The following POLR1A variants were observed in gnomAD, a reference collection of about 807,000 sequenced individuals.
POLR1A encodes RNA polymerase I subunit A.
A neutral mutation model predicts 205.3 loss-of-function variants in POLR1A; 84 were observed. The ratio of observed to expected loss-of-function variants is 0.41; its 90% CI spans 0.34 to 0.49. POLR1A has a LOEUF of 0.49. Ranked by LOEUF, POLR1A falls within the 20% of genes least tolerant of loss-of-function variation. POLR1A has a pLI of 0.22. For missense variants in POLR1A, 1,645 were observed against 2,204.5 expected (o/e 0.75, Z 5.08); for synonymous variants, 799 against 863.7 (o/e 0.93, Z 1.31).
intron 28 of POLR1A, among the ~76,000 whole-genome samples, 171 bp downstream of exon 28, chr2:86,033,468 CGCTTGCCTGGCCCATCAGGCCA>C (rs1192476818): frequency 6.6e-6 from 1 of 152,244 alleles, no homozygotes; most frequent in African/African-American, 2.4e-5. Context: ...CTGGCAGCCT[CGCTTGCCTGGCCCATCAGGCCA>C]AGAAGTGAAT....
At chr2:86,056,400 CGA>C (rs1558771333) in intron 14 of POLR1A, among the ~76,000 whole-genome samples, 1 of 150,732 alleles carries the variant, frequency 6.6e-6, no homozygotes, top group Non-Finnish European at 1.5e-5. Flanking sequence ...TGCAGTGAGC[CGA>C]GATTGCGCCA....
intron 30 of POLR1A, 40 bp downstream of exon 30, chr2:86,031,290 G>T: frequency 6.6e-7 from 1 of 1,513,108 alleles, no homozygotes; most frequent in South Asian, 1.3e-5. Flanking sequence ...TGGCCAGCTG[G>T]ACCAACCACC....
intron 14 of POLR1A, among the ~76,000 whole-genome samples, chr2:86,063,859 T>A (rs539239615): frequency 1.3e-5 from 2 of 152,356 alleles, no homozygotes; most frequent in South Asian, 4.1e-4. Context: ...CCCCTTAAGT[T>A]CTGCTTCAGT....
chr2:86,102,110 A>G (rs1294302198), intron 1 of POLR1A, among the ~76,000 whole-genome samples: 1 of 152,240 alleles, frequency 6.6e-6, no homozygotes. Flanking sequence ...GTATACAAAT[A>G]TCTCTTTGAG....
rs188550546 is a variant in POLR1A, at chr2:86,040,033, G to A, written c.3740+359C>T. On this transcript the variant is annotated intron_variant, in intron 25 of 33. Coordinates refer to ENST00000263857, the MANE Select transcript of POLR1A (RefSeq NM_015425.6). Reference sequence around the variant, plus strand: ...AGGGCCCAGGGCCACGTGGGGGCACGTTCTATGTGAATGGCTCCCCTGGAG... The same window carrying A: ...AGGGCCCAGGGCCACGTGGGGGCACATTCTATGTGAATGGCTCCCCTGGAG... The A allele has an allele frequency of 5.5e-5, 12 of 217,070 alleles. No individual in the cohort carries two copies. In the East Asian group the frequency reaches 1.3e-3, roughly 23 times the overall value. The allele number at this position is 217,070 out of a possible 1,614,324, so 13.4% of individuals were successfully genotyped here. A position where few individuals can be genotyped will look rare whatever the true frequency, so the allele number is the denominator to read the frequency against.
intron 4 of POLR1A, 120 bp downstream of exon 4, chr2:86,089,702 A>G: frequency 1.5e-6 from 1 of 673,222 alleles, no homozygotes. Flanking sequence ...CAAGAGACAG[A>G]GCTCAGATGC....
Position 86,054,289 on chromosome 2 carries a change from C to T in POLR1A, c.2059G>A (p.Val687Ile). The T allele has an allele frequency of 6.2e-7, 1 of 1,613,158 alleles. No homozygotes were observed. The highest frequency in any genetic ancestry group is 1.1e-5 in the South Asian group (1 of 90,920). The change falls in exon 15 of 34, where the codon GTT becomes ATT. Residue 687 changes from valine to isoleucine, a missense_variant and splice_region_variant. This residue lies in a region of POLR1A where 339 missense variants were observed against 415.1 expected (regional missense o/e 0.82). Coordinates refer to ENST00000263857, the MANE Select transcript of POLR1A (RefSeq NM_015425.6). ...ATATTTATGAGCAGCGTTGACACAA[C>T]CTGCAAAGAAAAAGAGGACAAACTG... ...KPFPLWTGKQ[V>I]VSTLLINIIP...
At chr2:86,057,914 T>G (rs76081054) in intron 14 of POLR1A, among the ~76,000 whole-genome samples, 8,908 of 152,124 alleles carry the variant, frequency 0.059, 492 homozygotes, top group East Asian at 0.32. Context: ...ACTAAAAACC[T>G]ACTTATACAC....
rs1465042280 is a variant in POLR1A, at chr2:86,023,399, A to C, written c.*4024T>G. On this transcript the variant is annotated 3_prime_UTR_variant, in exon 34 of 34. Transcript: ENST00000263857. ...TTTCAAGAGCAGTCTGGACTCTGAC[A>C]GCCCCTGATTCAGGTGCAAACTAAA... 6.6e-6 allele frequency: 1 copy of C among 152,224 alleles called. No homozygotes were observed. Among genetic ancestry groups the C allele is most frequent in the African/African-American group, 2.4e-5 (1 of 41,456 alleles). The allele number at this position is 152,224 out of a possible 1,614,324, so 9.4% of individuals were successfully genotyped here.
chr2:86,104,975 T>C (rs1465179474), intron 1 of POLR1A, among the ~76,000 whole-genome samples: 1 of 152,228 alleles, frequency 6.6e-6, no homozygotes, highest in African/African-American at 2.4e-5. Context: ...AATAGAATCT[T>C]GAAGAACATC....
intron 11 of POLR1A, among the ~76,000 whole-genome samples, chr2:86,076,739 G>T (rs1446413539): frequency 1.3e-5 from 2 of 152,200 alleles, no homozygotes; most frequent in Non-Finnish European, 2.9e-5. Flanking sequence ...AGATAGAAAA[G>T]GCAGCACAAA....
chr2:86,043,221 C>A (rs758790696), intron 22 of POLR1A, 26 bp from the exon 23 acceptor site: 2 of 1,561,904 alleles, frequency 1.3e-6, no homozygotes, highest in Non-Finnish European at 1.8e-6. Flanking sequence ...AAAAAACAAA[C>A]AAACAAATCA....
chr2:86,080,927 C>T lies in POLR1A; in HGVS notation c.975G>A (p.Thr325=), dbSNP rs368437581. ...CCTTCATGACAGCCTGCAAGTTCACCGTCTGGCCATTAGTAAACATCTGGT... is the reference window on the plus strand; with the variant it reads ...CCTTCATGACAGCCTGCAAGTTCACTGTCTGGCCATTAGTAAACATCTGGT... The part of the protein sequence containing the change: ...LGDQMFTNGQ[T]VNLQAVMKDV... Residue 325 remains threonine, a synonymous_variant, in exon 9 of 34, where the codon ACG becomes ACA. Coordinates refer to ENST00000263857, the MANE Select transcript of POLR1A (RefSeq NM_015425.6). 1.6e-5 allele frequency: 26 copies of T among 1,613,918 alleles called. No individual in the cohort carries two copies. Among genetic ancestry groups the T allele is most frequent in the Middle Eastern group, 1.6e-4 (1 of 6,082 alleles).
At chr2:86,069,578 G>A (rs548662380) in intron 13 of POLR1A, among the ~76,000 whole-genome samples, 5 of 152,282 alleles carry the variant, frequency 3.3e-5, no homozygotes, top group East Asian at 1.9e-4. Context: ...GGGCTGCTGC[G>A]GGATCTCTTC....
rs145562427 is a variant in POLR1A, at chr2:86,074,149, C to T, written c.1611+881G>A. ...GCCTGTGATGAGCAGTGATGGGCAC[C>T]GCCGCAAGGCCAGGAGCATTTCCTT... On this transcript the variant is annotated intron_variant, in intron 12 of 33. Coordinates refer to ENST00000263857, the MANE Select transcript of POLR1A (RefSeq NM_015425.6). Among the ~76,000 whole-genome samples the T allele has an allele frequency of 4.5e-3, 688 of 152,244 alleles. 3 individuals carry two copies. The highest frequency in any genetic ancestry group is 6.1e-3 in the Non-Finnish European group (412 of 68,018).
At chr2:86,034,334 C>G (rs939998133) in intron 27 of POLR1A, among the ~76,000 whole-genome samples, 2 of 152,130 alleles carry the variant, frequency 1.3e-5, no homozygotes, top group Non-Finnish European at 2.9e-5. Context: ...AGAGAACTCC[C>G]TTGGTGTGGG....
chr2:86,089,137 G>A (rs1377539154), intron 4 of POLR1A, among the ~76,000 whole-genome samples: 1 of 152,218 alleles, frequency 6.6e-6, no homozygotes. Flanking sequence ...AAAGAATCAT[G>A]AATGCAGTGG....
intron 14 of POLR1A, among the ~76,000 whole-genome samples, chr2:86,059,112 A>G (rs1252776072): frequency 1.3e-5 from 2 of 152,376 alleles, no homozygotes; most frequent in South Asian, 4.1e-4. Context: ...TGGTATACCC[A>G]TATCACTGAA....
chr2:86,038,256 C>G (rs1426592643), intron 27 of POLR1A, among the ~76,000 whole-genome samples: 3 of 152,244 alleles, frequency 2.0e-5, no homozygotes, highest in Non-Finnish European at 4.4e-5. Flanking sequence ...GCCACCCGCA[C>G]ATTGTTCATT....
Sources: gnomAD v4.1 joint callset for allele counts (sites outside exome capture counted in the v4.1 genomes callset) on GRCh38, gnomAD v4.1.1 for gene constraint, gnomAD v4.1.1 regional missense constraint, MANE v1.5 for transcripts, NCBI Gene and HGNC (gene_info 2026-07-23, HGNC 2026-07-21) for gene names.